The following FBXW7 variants were observed in gnomAD, a reference collection of about 807,000 sequenced individuals.
FBXW7 encodes F-box and WD repeat domain containing 7, also known as F-box/WD repeat-containing protein 7.
A neutral mutation model predicts 86.3 loss-of-function variants in FBXW7; 11 were observed. That is an observed-to-expected ratio of 0.13 (90% CI 0.08 to 0.21). The LOEUF is 0.21. Among genes scored for constraint, FBXW7 ranks in the 10% least tolerant of loss-of-function variants. The pLI is 1.00. For missense variants in FBXW7, 488 were observed against 847.4 expected (o/e 0.58, Z 5.27); for synonymous variants, 313 against 297.9 (o/e 1.05, Z -0.52).
Position 152,536,015 on chromosome 4 carries a change from C to A in FBXW7, c.-1101G>T. 1 of 222,260 alleles carries A rather than the reference C, an allele frequency of 4.5e-6. No homozygotes were observed. Among genetic ancestry groups the A allele is most frequent in the South Asian group, 7.6e-5 (1 of 13,146 alleles). The allele number at this position is 222,260 out of a possible 1,614,324, so 13.8% of individuals were successfully genotyped here. On this transcript the variant is annotated 5_prime_UTR_variant, in exon 1 of 14. Coordinates refer to ENST00000281708, the MANE Select transcript of FBXW7 (RefSeq NM_001349798.2). Reference sequence around the variant, plus strand: ...TCAGTCTCAGCGGCGGCGGCGGCGGCAGCGGCAGCGGCAGCGCCCGGAGCT... The same window carrying A: ...TCAGTCTCAGCGGCGGCGGCGGCGGAAGCGGCAGCGGCAGCGCCCGGAGCT...
rs1332564623 is a variant in FBXW7 at position 152,337,900 on chromosome 4, C to T, written c.763G>A (p.Glu255Lys). 1 of 1,612,472 alleles carries T rather than the reference C, an allele frequency of 6.2e-7. No homozygotes were observed. The highest frequency in any genetic ancestry group is 8.5e-7 in the Non-Finnish European group (1 of 1,179,214). Residue 255 changes from glutamate to lysine, a missense_variant, in exon 7 of 14, where the codon GAA (glutamate) becomes AAA (lysine). Transcript: ENST00000281708. ...GTTGGTTCACAACTATCAATGAGTT[C>T]ATCTAAAGCAAGCAATTTCTCTGGT... ...SGPEKLLALDELIDSCEPTQV... is the reference protein window; with the variant it reads ...SGPEKLLALDKLIDSCEPTQV...
At chr4:152,427,765 T>C (rs922322646) in intron 2 of FBXW7, among the ~76,000 whole-genome samples, 1 of 152,150 alleles carries the variant, frequency 6.6e-6, no homozygotes, top group Non-Finnish European at 1.5e-5. Context: ...GTATTAGAAA[T>C]CAAAACTAAC....
At chr4:152,482,925 ATG>A (rs1745010578) in intron 2 of FBXW7, among the ~76,000 whole-genome samples, 1 of 152,162 alleles carries the variant, frequency 6.6e-6, no homozygotes, top group Non-Finnish European at 1.5e-5. Flanking sequence ...AGCTAAGTAA[ATG>A]AGATCATACT....
intron 2 of FBXW7, among the ~76,000 whole-genome samples, chr4:152,500,170 G>A (rs976750401): frequency 6.6e-6 from 1 of 152,188 alleles, no homozygotes; most frequent in Non-Finnish European, 1.5e-5. Flanking sequence ...ATACTGGAGA[G>A]GGAATAGGGG....
chr4:152,371,361 T>C (rs1733988646), intron 4 of FBXW7, among the ~76,000 whole-genome samples: 1 of 151,922 alleles, frequency 6.6e-6, no homozygotes, highest in African/African-American at 2.4e-5. Flanking sequence ...GATAGAATTA[T>C]TAAAAACACC....
At chr4:152,382,301 C>A in intron 4 of FBXW7, 2 of 1,596,670 alleles carry the variant, frequency 1.3e-6, no homozygotes, top group Non-Finnish European at 1.7e-6. Flanking sequence ...AGGAACCAAG[C>A]CATGGTTTAG....
chr4:152,493,070 C>T (rs1228244245), intron 2 of FBXW7, among the ~76,000 whole-genome samples: 1 of 151,294 alleles, frequency 6.6e-6, no homozygotes, highest in East Asian at 1.9e-4. Context: ...CTTTTAATAA[C>T]CAAGCAGAAG....
intron 4 of FBXW7, among the ~76,000 whole-genome samples, chr4:152,379,010 A>T (rs1386104609): frequency 6.6e-6 from 1 of 152,166 alleles, no homozygotes; most frequent in African/African-American, 2.4e-5. Flanking sequence ...TGTCCCAAAA[A>T]AAGCAAAACA....
rs1223549845 is a variant in FBXW7, at chr4:152,420,916, A to G, written c.-119-8387T>C. ...TCCACTTGAGGTCACCAGCAGCATT[A>G]GCCCCTAACAAGAGAGTCAGCCTGT... On this transcript the variant is annotated intron_variant, in intron 2 of 13. Coordinates refer to ENST00000281708, the MANE Select transcript of FBXW7 (RefSeq NM_001349798.2). Among the ~76,000 whole-genome samples, 7 of 152,204 alleles carry G rather than the reference A, an allele frequency of 4.6e-5. No homozygotes were observed. In the South Asian group the frequency reaches 1.5e-3, roughly 32 times the overall value.
chr4:152,463,855 A>G (rs1015992200), intron 2 of FBXW7, among the ~76,000 whole-genome samples: 2 of 152,252 alleles, frequency 1.3e-5, no homozygotes, highest in Non-Finnish European at 2.9e-5. Flanking sequence ...CAATTTATAT[A>G]TAAGTGGTAT....
At chr4:152,492,875 G>A (rs1004181764) in intron 2 of FBXW7, among the ~76,000 whole-genome samples, 1 of 152,038 alleles carries the variant, frequency 6.6e-6, no homozygotes, top group African/African-American at 2.4e-5. Context: ...TTTTTTTAAG[G>A]TACCTCTAGG....
intron 2 of FBXW7, among the ~76,000 whole-genome samples, chr4:152,528,889 G>A (rs1164727304): frequency 2.0e-5 from 3 of 152,130 alleles, no homozygotes; most frequent in Non-Finnish European, 4.4e-5. Flanking sequence ...CAGTCATGCA[G>A]AAATGAACAT....
At chr4:152,502,522 C>T (rs1310662306) in intron 2 of FBXW7, among the ~76,000 whole-genome samples, 2 of 152,034 alleles carry the variant, frequency 1.3e-5, no homozygotes, top group Admixed American at 1.3e-4. Context: ...ATGTAAATCA[C>T]AACTGGTAAC....
chr4:152,387,262 T>C (rs1421554014), intron 4 of FBXW7, among the ~76,000 whole-genome samples: 1 of 152,190 alleles, frequency 6.6e-6, no homozygotes, highest in African/African-American at 2.4e-5. Flanking sequence ...ACTTACTCTG[T>C]TGTAGAAACA....
intron 2 of FBXW7, among the ~76,000 whole-genome samples, chr4:152,441,060 T>TA (rs1740852965): frequency 6.6e-6 from 1 of 152,148 alleles, no homozygotes. Context: ...TCCACTGTGA[T>TA]AAACAGAAAA....
intron 4 of FBXW7, among the ~76,000 whole-genome samples, chr4:152,394,018 T>C (rs1736207798): frequency 6.6e-6 from 1 of 152,134 alleles, no homozygotes; most frequent in African/African-American, 2.4e-5. Context: ...TGACAATACT[T>C]ATTACAAGGA....
chr4:152,424,650 G>C (rs1739221413), intron 2 of FBXW7, among the ~76,000 whole-genome samples: 1 of 152,202 alleles, frequency 6.6e-6, no homozygotes. Context: ...TAGTCTGCTA[G>C]AGACACTAGA....
chr4:152,375,332 T>G (rs1734400046), intron 4 of FBXW7, among the ~76,000 whole-genome samples: 2 of 152,074 alleles, frequency 1.3e-5, no homozygotes, highest in South Asian at 4.1e-4. Flanking sequence ...TGACAAAAAA[T>G]GAGACAACCA....
intron 2 of FBXW7, among the ~76,000 whole-genome samples, chr4:152,532,911 C>G (rs150966452): frequency 1.3e-5 from 2 of 152,084 alleles, no homozygotes; most frequent in African/African-American, 2.4e-5. Context: ...TTTGGCAGGA[C>G]GCGGTGTCTC....
Sources: allele counts gnomAD v4.1 joint callset (sites outside exome capture counted in the v4.1 genomes callset), GRCh38; gene constraint gnomAD v4.1.1; transcripts MANE v1.5; gene names NCBI Gene and HGNC (gene_info 2026-07-23, HGNC 2026-07-21).